RAB6B: variants seen among roughly 807,000 people sequenced by gnomAD.
RAB6B encodes the protein ras-related protein Rab-6B.
In RAB6B, 7 loss-of-function variants were observed where a neutral mutation model predicts 31.2. The observed-to-expected ratio is 0.22, with a 90% CI of 0.13 to 0.42. RAB6B has a LOEUF of 0.42. Ranked by LOEUF, RAB6B falls within the 10% of genes least tolerant of loss-of-function variation. RAB6B has a pLI of 1.00. For synonymous variants in RAB6B, 105 were observed against 104.9 expected (o/e 1.00, Z -0.01); for missense variants, 149 against 280.6 (o/e 0.53, Z 3.35).
At position 133,883,191 on chromosome 3, in the gene RAB6B, G is replaced by A. The variant is rs1048913851; in HGVS notation, c.70+12206C>T. On this transcript the variant is annotated intron_variant, in intron 1 of 7. Coordinates refer to ENST00000285208, the MANE Select transcript of RAB6B (RefSeq NM_016577.4). The stretch of plus-strand genomic sequence containing the variant: ...GGCAGAGCCAGACAGCCTTGGGGAG[G>A]AAGAGACAAAGCTCAGTCTGCTCCT... 2.6e-5 allele frequency among the ~76,000 whole-genome samples: 4 copies of A among 152,336 alleles called. No homozygotes were observed. In the South Asian group the frequency reaches 8.3e-4, roughly 32 times the overall value.
At chr3:133,840,709 C>G (rs567013600) in intron 4 of RAB6B, among the ~76,000 whole-genome samples, 6 of 152,142 alleles carry the variant, frequency 3.9e-5, no homozygotes, top group African/African-American at 9.7e-5. Context: ...CTCGGCCCCC[C>G]ACCCCCACCT....
intron 7 of RAB6B, among the ~76,000 whole-genome samples, chr3:133,832,181 G>A (rs541072788): frequency 5.9e-5 from 9 of 152,272 alleles, no homozygotes; most frequent in African/African-American, 1.7e-4. Context: ...TGTGATGGGC[G>A]CATACTGTAT....
intron 7 of RAB6B, among the ~76,000 whole-genome samples, chr3:133,833,941 G>T (rs1935692766): frequency 6.6e-6 from 1 of 152,232 alleles, no homozygotes. Flanking sequence ...GGATATGGAG[G>T]AAGCAAGCCT....
chr3:133,826,401 T>A lies in RAB6B; in HGVS notation c.*2387A>T, dbSNP rs1436744032. The A allele has an allele frequency of 1.3e-5, 2 of 152,254 alleles. No homozygotes were observed. Among genetic ancestry groups the A allele is most frequent in the African/African-American group, 4.8e-5 (2 of 41,462 alleles). 9.4% of individuals were successfully genotyped at this position (152,254 alleles called of 1,614,324 possible). On this transcript the variant is annotated 3_prime_UTR_variant, in exon 8 of 8. Coordinates refer to ENST00000285208, the MANE Select transcript of RAB6B (RefSeq NM_016577.4). Reference sequence around the variant, plus strand: ...TCTACTGTTTTATGGGATGTTTTTTTAAAAAAGCTAATCTTTAGTGCCAAG... The same window carrying A: ...TCTACTGTTTTATGGGATGTTTTTTAAAAAAAGCTAATCTTTAGTGCCAAG...
At chr3:133,858,639 A>G (rs1936115787) in intron 2 of RAB6B, among the ~76,000 whole-genome samples, 1 of 152,206 alleles carries the variant, frequency 6.6e-6, no homozygotes, top group African/African-American at 2.4e-5. Flanking sequence ...ATCTCATTTT[A>G]CTTCTGTAGA....
At chr3:133,886,464 A>G (rs1576411245) in intron 1 of RAB6B, among the ~76,000 whole-genome samples, 1 of 152,206 alleles carries the variant, frequency 6.6e-6, no homozygotes, top group East Asian at 1.9e-4. Context: ...GGAGCTGTGA[A>G]GATGAGGTAC....
chr3:133,847,092 T>A (rs188274215), intron 2 of RAB6B, among the ~76,000 whole-genome samples: 1 of 152,238 alleles, frequency 6.6e-6, no homozygotes, highest in African/African-American at 2.4e-5. Flanking sequence ...ACAGTAACAA[T>A]GACATCCACA....
Position 133,828,126 on chromosome 3 carries a change from G to A in RAB6B, c.*662C>T, listed in dbSNP as rs1002206292. On this transcript the variant is annotated 3_prime_UTR_variant, in exon 8 of 8. Transcript: ENST00000285208. ...AGCAGTTCCTCTGGGGGCTGCTGCC[G>A]GGCTGCCTAGAGCCCACAGACCTTG... 15 of 628,890 alleles carry A rather than the reference G, an allele frequency of 2.4e-5. No homozygotes were observed. Among genetic ancestry groups the A allele is most frequent in the East Asian group, 2.2e-4 (8 of 36,404 alleles). 39.0% of individuals were successfully genotyped at this position (628,890 alleles called of 1,614,324 possible).
chr3:133,850,162 C>G (rs1376342175), intron 2 of RAB6B, among the ~76,000 whole-genome samples: 1 of 152,172 alleles, frequency 6.6e-6, no homozygotes, highest in South Asian at 2.1e-4. Context: ...ACAAAAAAAT[C>G]TGAACATAAC....
chr3:133,894,692 C>T (rs1352699404), intron 1 of RAB6B: 2 of 152,266 alleles, frequency 1.3e-5, no homozygotes, highest in Non-Finnish European at 2.9e-5. Context: ...TGCAATTGCC[C>T]AGATCCCTGG....
rs372495807 is a variant in RAB6B, at chr3:133,829,441, T to C, written c.563-589A>G. On this transcript the variant is annotated intron_variant, in intron 7 of 7. Coordinates refer to ENST00000285208, the MANE Select transcript of RAB6B (RefSeq NM_016577.4). The stretch of plus-strand genomic sequence containing the variant: ...GGGCTGTGGGCTAAAGAAGCACTTA[T>C]CAGAACCACCACAGGGACTGGTTCC... Among the ~76,000 whole-genome samples the C allele has an allele frequency of 3.3e-5, 5 of 152,290 alleles. No individual in the cohort carries two copies. The East Asian group carries it at 7.7e-4, about 24-fold the overall frequency.
At chr3:133,828,892 A>T in intron 7 of RAB6B, 40 bp from the exon 8 acceptor site, 1 of 1,535,200 alleles carries the variant, frequency 6.5e-7, no homozygotes. Flanking sequence ...TCTCCTGGAC[A>T]AGCTGCCACC....
intron 1 of RAB6B, among the ~76,000 whole-genome samples, chr3:133,871,962 T>C (rs981022212): frequency 2.0e-5 from 3 of 151,958 alleles, no homozygotes; most frequent in Admixed American, 2.0e-4. Context: ...GCCCCAGGAG[T>C]TCCGGGAGGA....
chr3:133,863,849 C>T (rs1278788794), intron 2 of RAB6B, among the ~76,000 whole-genome samples: 3 of 152,172 alleles, frequency 2.0e-5, no homozygotes, highest in Non-Finnish European at 4.4e-5. Flanking sequence ...AAGTTTGGTG[C>T]CTTTTGCAAA....
At chr3:133,839,649 C>G (rs375943649) in intron 4 of RAB6B, 32 bp from the exon 5 acceptor site, 88 of 1,511,478 alleles carry the variant, frequency 5.8e-5, no homozygotes, top group Non-Finnish European at 7.9e-5. Flanking sequence ...AAACTGAAAG[C>G]CAGGGCCAGC....
chr3:133,827,749 C>A lies in RAB6B; in HGVS notation c.*1039G>T, dbSNP rs1423134775. On this transcript the variant is annotated 3_prime_UTR_variant, in exon 8 of 8. Transcript: ENST00000285208. ...AGGTGGTGGTTCTGCAGACAACACCCCCCCCCCCCCCCGCCTCCCCATCAC... is the reference window on the plus strand; with the variant it reads ...AGGTGGTGGTTCTGCAGACAACACCACCCCCCCCCCCCGCCTCCCCATCAC... 52 of 20,608 alleles carry A rather than the reference C, an allele frequency of 2.5e-3. No individual in the cohort carries two copies. Among genetic ancestry groups the A allele is most frequent in the South Asian group, 0.015 (8 of 546 alleles). 1.3% of individuals were successfully genotyped at this position (20,608 alleles called of 1,614,324 possible). A position where few individuals can be genotyped will look rare whatever the true frequency, so the allele number is the denominator to read the frequency against.
rs541585722 is a variant in RAB6B at position 133,881,327 on chromosome 3, A to C, written c.70+14070T>G. 2.0e-5 allele frequency among the ~76,000 whole-genome samples: 3 copies of C among 152,348 alleles called. No individual in the cohort carries two copies. The South Asian group carries it at 6.2e-4, about 32-fold the overall frequency. On this transcript the variant is annotated intron_variant, in intron 1 of 7. Transcript: ENST00000285208. ...AGAGGGACCACTTGCCCAGGATCAC[A>C]CAGCACCAGGGTCATGGCCAGACAC... is the stretch of plus-strand genomic sequence containing the variant.
chr3:133,885,580 T>G, intron 1 of RAB6B: 1 of 702,950 alleles, frequency 1.4e-6, no homozygotes, highest in South Asian at 1.5e-5. Context: ...CCTGAGCAGG[T>G]AGCAGAGAGG....
intron 1 of RAB6B, among the ~76,000 whole-genome samples, chr3:133,866,349 G>C (rs1488577165): frequency 6.6e-6 from 1 of 152,126 alleles, no homozygotes; most frequent in African/African-American, 2.4e-5. Context: ...GCCTGACCAG[G>C]TGCTCAGTTC....
Sources: gnomAD v4.1 joint callset for allele counts (sites outside exome capture counted in the v4.1 genomes callset) on GRCh38, gnomAD v4.1.1 for gene constraint, MANE v1.5 for transcripts, NCBI Gene and HGNC (gene_info 2026-07-23, HGNC 2026-07-21) for gene names.